Variants in NKAIN2 observed in about 807,000 individuals in gnomAD.
NKAIN2 encodes sodium/potassium transporting ATPase interacting 2.
Under a neutral mutation model 32.6 loss-of-function variants are expected in NKAIN2, and 14 were observed. The observed-to-expected ratio is 0.43, with a 90% CI of 0.28 to 0.67. The LOEUF (loss-of-function observed/expected upper bound fraction) is 0.67. Ranked by LOEUF, NKAIN2 falls within the 30% of genes least tolerant of loss-of-function variation. The pLI is 0.17. For synonymous variants in NKAIN2, 80 were observed against 87.2 expected (o/e 0.92, Z 0.46); for missense variants, 198 against 258.3 (o/e 0.77, Z 1.60).
intron 3 of NKAIN2, among the ~76,000 whole-genome samples, chr6:124,375,494 G>A (rs1799953707): frequency 6.7e-6 from 1 of 149,734 alleles, no homozygotes; most frequent in Admixed American, 6.7e-5. Flanking sequence ...CAAAGGAATA[G>A]CATTTTAATA....
chr6:124,591,829 A>G (rs1403606437), intron 3 of NKAIN2, among the ~76,000 whole-genome samples: 1 of 152,174 alleles, frequency 6.6e-6, no homozygotes, highest in Non-Finnish European at 1.5e-5. Flanking sequence ...CTTGGAGCTT[A>G]CAGTCAGGAC....
chr6:124,106,923 A>G (rs1296933744), intron 1 of NKAIN2, among the ~76,000 whole-genome samples: 1 of 152,228 alleles, frequency 6.6e-6, no homozygotes, highest in Non-Finnish European at 1.5e-5. Context: ...AAGGACAAAC[A>G]AAACATATAC....
At chr6:124,259,689 A>G (rs1473340437) in intron 1 of NKAIN2, among the ~76,000 whole-genome samples, 2 of 152,124 alleles carry the variant, frequency 1.3e-5, no homozygotes, top group Non-Finnish European at 2.9e-5. Context: ...AAAAACCTAT[A>G]CCTTTAAAAC....
chr6:124,038,100 C>T (rs142918412), intron 1 of NKAIN2, among the ~76,000 whole-genome samples: 34 of 152,112 alleles, frequency 2.2e-4, no homozygotes, highest in Non-Finnish European at 4.0e-4. Context: ...TTGCTGGAAT[C>T]GAGGATAGTA....
intron 3 of NKAIN2, among the ~76,000 whole-genome samples, chr6:124,424,064 G>C (rs948564263): frequency 6.6e-6 from 1 of 152,070 alleles, no homozygotes; most frequent in Non-Finnish European, 1.5e-5. Context: ...CGCATTCTCG[G>C]CTCACTGCAA....
chr6:124,001,356 G>T (rs1286475028), intron 1 of NKAIN2, among the ~76,000 whole-genome samples: 3 of 152,018 alleles, frequency 2.0e-5, no homozygotes, highest in Non-Finnish European at 4.4e-5. Flanking sequence ...TATAGTATAT[G>T]TGGGCTGGTA....
intron 4 of NKAIN2, among the ~76,000 whole-genome samples, chr6:124,745,937 G>T (rs1777432647): frequency 1.3e-5 from 2 of 151,906 alleles, no homozygotes; most frequent in South Asian, 4.2e-4. Flanking sequence ...AATGTCAAAG[G>T]CCAGAAAGAG....
At chr6:124,045,686 G>A (rs1018593688) in intron 1 of NKAIN2, among the ~76,000 whole-genome samples, 4 of 151,904 alleles carry the variant, frequency 2.6e-5, no homozygotes, top group Non-Finnish European at 4.4e-5. Flanking sequence ...TCATGGAGAC[G>A]GTGATTATGT....
At chr6:124,308,212 A>G (rs1474270828) in intron 2 of NKAIN2, among the ~76,000 whole-genome samples, 1 of 151,312 alleles carries the variant, frequency 6.6e-6, no homozygotes, top group African/African-American at 2.4e-5. Flanking sequence ...TCATTTTTCA[A>G]CTTCCACTTA....
chr6:124,521,858 A>C (rs1779130364), intron 3 of NKAIN2, among the ~76,000 whole-genome samples: 1 of 151,952 alleles, frequency 6.6e-6, no homozygotes. Flanking sequence ...TCAGCAAATA[A>C]ATTTTTTAGA....
At chr6:124,571,808 C>A (rs1781138215) in intron 3 of NKAIN2, among the ~76,000 whole-genome samples, 1 of 152,122 alleles carries the variant, frequency 6.6e-6, no homozygotes, top group Non-Finnish European at 1.5e-5. Context: ...GGCTTCTTTT[C>A]TTTTGCCTAT....
rs1254268705 is a variant in NKAIN2 at position 123,804,078 on chromosome 6, A to T, written c.-123A>T. 3 of 877,028 alleles carry T rather than the reference A, an allele frequency of 3.4e-6. No homozygotes were observed. Among genetic ancestry groups the T allele is most frequent in the African/African-American group, 3.3e-5 (2 of 60,846 alleles). 54.3% of individuals were successfully genotyped at this position (877,028 alleles called of 1,614,324 possible). A position where few individuals can be genotyped will look rare whatever the true frequency, so the allele number is the denominator to read the frequency against. On this transcript the variant is annotated 5_prime_UTR_variant, in exon 1 of 7. Transcript: ENST00000368417. ...TTCCCAGGACGCTGGCAGCAGCAGC[A>T]GCCCGGAGCCCCCGAGCCCTCGGCA...
intron 4 of NKAIN2, among the ~76,000 whole-genome samples, chr6:124,777,475 C>G (rs937392365): frequency 6.6e-6 from 1 of 152,134 alleles, no homozygotes; most frequent in Non-Finnish European, 1.5e-5. Flanking sequence ...ATAACTATAC[C>G]TATCTCATAA....
intron 3 of NKAIN2, among the ~76,000 whole-genome samples, chr6:124,509,373 A>G (rs1311932723): frequency 6.6e-6 from 1 of 152,234 alleles, no homozygotes; most frequent in African/African-American, 2.4e-5. Context: ...TACATGAATG[A>G]GTAGTACACT....
At chr6:123,900,336 G>A (rs186774459) in intron 1 of NKAIN2, among the ~76,000 whole-genome samples, 10 of 151,842 alleles carry the variant, frequency 6.6e-5, no homozygotes, top group African/African-American at 1.9e-4. Context: ...AGCTAGGCAC[G>A]GTGGCACGTG....
intron 1 of NKAIN2, among the ~76,000 whole-genome samples, chr6:123,939,169 A>T (rs1776699834): frequency 6.6e-6 from 1 of 151,970 alleles, no homozygotes; most frequent in Non-Finnish European, 1.5e-5. Context: ...GTTCTGAATA[A>T]GTCTCTAATT....
chr6:124,219,184 A>G (rs986184562), intron 1 of NKAIN2, among the ~76,000 whole-genome samples: 1 of 152,210 alleles, frequency 6.6e-6, no homozygotes, highest in Non-Finnish European at 1.5e-5. Context: ...CCTTTTCTAG[A>G]AGTCCCTTCC....
At chr6:123,878,634 A>C (rs1773292602) in intron 1 of NKAIN2, among the ~76,000 whole-genome samples, 1 of 152,082 alleles carries the variant, frequency 6.6e-6, no homozygotes, top group African/African-American at 2.4e-5. Flanking sequence ...TAATATATTC[A>C]TTATTTAAAT....
intron 3 of NKAIN2, among the ~76,000 whole-genome samples, chr6:124,653,024 C>G (rs1317307319): frequency 6.6e-6 from 1 of 152,058 alleles, no homozygotes; most frequent in Non-Finnish European, 1.5e-5. Flanking sequence ...AATAAATAAT[C>G]GTGTGAAATT....
Sources: allele counts gnomAD v4.1 joint callset (sites outside exome capture counted in the v4.1 genomes callset), GRCh38; gene constraint gnomAD v4.1.1; transcripts MANE v1.5; gene names NCBI Gene and HGNC (gene_info 2026-07-23, HGNC 2026-07-21).